Variants in FAM8A1 observed in about 807,000 individuals in gnomAD.
FAM8A1 encodes family with sequence similarity 8 member A1.
FAM8A1 carries 18 observed loss-of-function variants against 38.3 expected under a neutral mutation model. The observed-to-expected ratio is 0.47, with a 90% CI of 0.33 to 0.70. FAM8A1 has a LOEUF of 0.70. FAM8A1 is among the 30% of genes least tolerant of loss of function. The pLI, the probability that FAM8A1 is intolerant of heterozygous loss-of-function variation, is 0.03. For synonymous variants in FAM8A1, 246 were observed against 234.4 expected (o/e 1.05, Z -0.45); for missense variants, 559 against 559.6 (o/e 1.00, Z 0.01).
intron 4 of FAM8A1, among the ~76,000 whole-genome samples, chr6:17,607,522 T>TAGGTAGTATCTATATACTAC (rs1764072727): frequency 2.0e-5 from 3 of 150,808 alleles, no homozygotes; most frequent in African/African-American, 7.3e-5. Context: ...CTATATACTA[T>TAGGTAGTATCTATATACTAC]CTATAGTATC....
chr6:17,600,307 C>A lies in FAM8A1; in HGVS notation c.-103C>A, dbSNP rs573134738. The A allele has an allele frequency of 2.4e-6, 3 of 1,262,660 alleles. No individual in the cohort carries two copies. The highest frequency in any genetic ancestry group is 3.1e-5 in the African/African-American group (2 of 64,090). The allele number at this position is 1,262,660 out of a possible 1,614,324, so 78.2% of individuals were successfully genotyped here. ...TCCGCTTCCGGCGGGGGATTGTTGA[C>A]GCCTGCGGTTGCTGCGGTGGTGACG... On this transcript the variant is annotated 5_prime_UTR_variant, in exon 1 of 5. Coordinates refer to ENST00000259963, the MANE Select transcript of FAM8A1 (RefSeq NM_016255.3).
Position 17,608,368 on chromosome 6 carries a change from C to CT in FAM8A1, c.*30dup. 6.4e-7 allele frequency: 1 copy of CT among 1,573,036 alleles called. No individual in the cohort carries two copies. The highest frequency in any genetic ancestry group is 8.6e-7 in the Non-Finnish European group (1 of 1,159,202). ...CCCCCAAAACCCTGATTTCCACACA[C>CT]TAAGACTAAATTATGTATCAAGGCC... On this transcript the variant is annotated 3_prime_UTR_variant, in exon 5 of 5. Transcript: ENST00000259963.
At position 17,609,384 on chromosome 6, in the gene FAM8A1, C is replaced by CT. The variant is rs1420235297; in HGVS notation, c.*1046dup. On this transcript the variant is annotated 3_prime_UTR_variant, in exon 5 of 5. Coordinates refer to ENST00000259963, the MANE Select transcript of FAM8A1 (RefSeq NM_016255.3). The stretch of plus-strand genomic sequence containing the variant: ...AAATCTTAATATTTCATGATTAACT[C>CT]TAAGTACTATTAATTAATAGCTTGC... 3.6e-5 allele frequency: 5 copies of CT among 140,580 alleles called. No individual in the cohort carries two copies. Among genetic ancestry groups the CT allele is most frequent in the East Asian group, 2.2e-4 (1 of 4,624 alleles). The allele number at this position is 140,580 out of a possible 1,614,324, so 8.7% of individuals were successfully genotyped here. A position where few individuals can be genotyped will look rare whatever the true frequency, so the allele number is the denominator to read the frequency against.
At chr6:17,604,350 T>G (rs1003965899) in intron 2 of FAM8A1, among the ~76,000 whole-genome samples, 4 of 152,204 alleles carry the variant, frequency 2.6e-5, no homozygotes. Context: ...TCTTAATCAC[T>G]GCCACCTCTC....
At chr6:17,604,064 T>C (rs768543594) in intron 2 of FAM8A1, among the ~76,000 whole-genome samples, 1 of 151,976 alleles carries the variant, frequency 6.6e-6, no homozygotes, top group African/African-American at 2.4e-5. Context: ...AACCCTTCAA[T>C]GGTTTCTCTT....
At chr6:17,606,432 C>T (rs757338063) in intron 4 of FAM8A1, among the ~76,000 whole-genome samples, 4 of 152,142 alleles carry the variant, frequency 2.6e-5, no homozygotes, top group Non-Finnish European at 5.9e-5. Context: ...GATCTCCTGA[C>T]CTCATGATCC....
chr6:17,606,013 C>T lies in FAM8A1; in HGVS notation c.1097C>T (p.Thr366Met), dbSNP rs144228602. ...VIPSSNVSIT[T>M]STIRALIKNF... ...CCTTCCTCAAATGTTAGCATTACAA[C>T]GTAAGTCCTTTTCTTAGCTTAATCT... Residue 366 changes from threonine to methionine, a missense_variant and splice_region_variant, in exon 4 of 5, where the codon ACG becomes ATG. Physicochemically the swap from Thr to Met is moderately conservative, Grantham distance 81. This residue lies in a region of FAM8A1 where 166 missense variants were observed against 220.8 expected (regional missense o/e 0.75). Coordinates refer to ENST00000259963, the MANE Select transcript of FAM8A1 (RefSeq NM_016255.3). The T allele has an allele frequency of 3.8e-5, 59 of 1,536,040 alleles. No homozygotes were observed. Among genetic ancestry groups the T allele is most frequent in the Non-Finnish European group, 5.0e-5 (57 of 1,130,722 alleles).
chr6:17,600,478 G>C lies in FAM8A1; in HGVS notation c.69G>C (p.Glu23Asp). ...PGQDDGGGDH[E>D]PVPSLRGPPT... ...AGGACGATGGCGGAGGGGACCACGAGCCCGTCCCTTCCCTGAGAGGCCCTC... is the reference window on the plus strand; with the variant it reads ...AGGACGATGGCGGAGGGGACCACGACCCCGTCCCTTCCCTGAGAGGCCCTC... Residue 23 changes from glutamate (E) to aspartate (D), a missense_variant, in exon 1 of 5, where the codon GAG becomes GAC. By Grantham distance (45) the Glu-to-Asp change is conservative. This residue lies in a region of FAM8A1 where 393 missense variants were observed against 338.9 expected (regional missense o/e 1.16). Coordinates refer to ENST00000259963, the MANE Select transcript of FAM8A1 (RefSeq NM_016255.3). The C allele has an allele frequency of 6.6e-7, 1 of 1,519,430 alleles. No homozygotes were observed. Among genetic ancestry groups the C allele is most frequent in the Admixed American group, 2.1e-5 (1 of 48,336 alleles). 94.1% of individuals were successfully genotyped at this position (1,519,430 alleles called of 1,614,324 possible). A position where few individuals can be genotyped will look rare whatever the true frequency, so the allele number is the denominator to read the frequency against.
At chr6:17,602,287 T>C (rs1763995412) in intron 1 of FAM8A1, among the ~76,000 whole-genome samples, 1 of 152,224 alleles carries the variant, frequency 6.6e-6, no homozygotes, top group Non-Finnish European at 1.5e-5. Context: ...TCTGCCCGCC[T>C]CGGCCTCCTA....
In FAM8A1 at chr6:17,600,879, C is replaced by T. The variant is rs753212188; in HGVS notation, c.470C>T (p.Ala157Val). 4 of 1,604,416 alleles carry T rather than the reference C, an allele frequency of 2.5e-6. No homozygotes were observed. The African/African-American group carries it at 4.0e-5, about 16-fold the overall frequency. ...SPQSFPSGGAAVPQAAAPPPP... is the reference protein window; with the variant it reads ...SPQSFPSGGAVVPQAAAPPPP... ...CAGAGCTTCCCTTCGGGCGGCGCTG[C>T]AGTCCCCCAGGCCGCGGCGCCGCCG... The change falls in exon 1 of 5, where the codon GCA becomes GTA. Residue 157 changes from alanine (A) to valine (V), a missense_variant. By Grantham distance (64) the Ala-to-Val change is moderately conservative. Coordinates refer to ENST00000259963, the MANE Select transcript of FAM8A1 (RefSeq NM_016255.3).
In FAM8A1 at chr6:17,600,593, G is replaced by C; in HGVS notation, c.184G>C (p.Ala62Pro). Residue 62 changes from alanine to proline, a missense_variant, in exon 1 of 5, where the codon GCC becomes CCC. Ala to Pro is a conservative substitution (Grantham distance 27, BLOSUM62 -1). Around this residue, in one of 2 missense-constraint regions of FAM8A1, gnomAD observed 393 missense variants for 338.9 expected, o/e 1.16. Transcript: ENST00000259963. The stretch of plus-strand genomic sequence containing the variant: ...CACAGCCCCGGGCCTCGCGGCTGCC[G>C]CCGCAGCCGACAAATTGGAGCCGCC... ...RPTAPGLAAAAAADKLEPPRE... is the reference protein window; with the variant it reads ...RPTAPGLAAAPAADKLEPPRE... 5 of 1,490,636 alleles carry C rather than the reference G, an allele frequency of 3.4e-6. No homozygotes were observed. The highest frequency in any genetic ancestry group is 4.4e-6 in the Non-Finnish European group (5 of 1,125,132). The allele number at this position is 1,490,636 out of a possible 1,614,324, so 92.3% of individuals were successfully genotyped here. A position where few individuals can be genotyped will look rare whatever the true frequency, so the allele number is the denominator to read the frequency against.
At position 17,600,330 on chromosome 6, in the gene FAM8A1, A is replaced by G; in HGVS notation, c.-80A>G. On this transcript the variant is annotated 5_prime_UTR_variant, in exon 1 of 5. Coordinates refer to ENST00000259963, the MANE Select transcript of FAM8A1 (RefSeq NM_016255.3). ...GACGCCTGCGGTTGCTGCGGTGGTG[A>G]CGGGGCTGTTGGGGAGGGGCCATTG... The G allele has an allele frequency of 7.7e-7, 1 of 1,301,188 alleles. No homozygotes were observed. The highest frequency in any genetic ancestry group is 9.8e-7 in the Non-Finnish European group (1 of 1,022,856). 80.6% of individuals were successfully genotyped at this position (1,301,188 alleles called of 1,614,324 possible). A position where few individuals can be genotyped will look rare whatever the true frequency, so the allele number is the denominator to read the frequency against.
Position 17,600,439 on chromosome 6 carries a change from C to T in FAM8A1, c.30C>T (p.Gly10=), listed in dbSNP as rs1763963473. 2.1e-6 allele frequency: 3 copies of T among 1,453,492 alleles called. No individual in the cohort carries two copies. Among genetic ancestry groups the T allele is most frequent in the South Asian group, 1.4e-5 (1 of 73,014 alleles). 90.0% of individuals were successfully genotyped at this position (1,453,492 alleles called of 1,614,324 possible). MAEGPEEAR[G]HPPGQDDGGG... is the part of the protein sequence containing the mutation. ...CCGAGGGGCCCGAGGAAGCCCGAGG[C>T]CACCCTCCCGGGCAGGACGATGGCG... Residue 10 remains glycine, a synonymous_variant, in exon 1 of 5, where the codon GGC becomes GGT. Coordinates refer to ENST00000259963, the MANE Select transcript of FAM8A1 (RefSeq NM_016255.3).
rs1337542847 is a variant in FAM8A1, at chr6:17,600,981, C to T, written c.572C>T (p.Ala191Val). 6.3e-7 allele frequency: 1 copy of T among 1,593,200 alleles called. No homozygotes were observed. Among genetic ancestry groups the T allele is most frequent in the Non-Finnish European group, 8.5e-7 (1 of 1,171,680 alleles). Residue 191 changes from alanine (A) to valine (V), a missense_variant, in exon 1 of 5, where the codon GCC (alanine) becomes GTC (valine). Around this residue, in one of 2 missense-constraint regions of FAM8A1, gnomAD observed 393 missense variants for 338.9 expected, o/e 1.16. Transcript: ENST00000259963. Reference protein sequence around the residue: ...GAAGPDPRTAAGISTPAPVAG... With the variant: ...GAAGPDPRTAVGISTPAPVAG... ...GCGGGGCCTGACCCGCGGACAGCTG[C>T]CGGCATCAGCACCCCTGCTCCAGTC...
intron 3 of FAM8A1, 33 bp downstream of exon 3, chr6:17,605,062 T>C (rs751820065): frequency 1.9e-6 from 3 of 1,568,192 alleles, no homozygotes; most frequent in Non-Finnish European, 2.6e-6. Flanking sequence ...AATTAATATT[T>C]AACAATCTAA....
chr6:17,601,182 G>C, intron 1 of FAM8A1, 61 bp downstream of exon 1: 1 of 1,529,490 alleles, frequency 6.5e-7, no homozygotes, highest in Non-Finnish European at 8.8e-7. Context: ...CTGTGGGGTA[G>C]AGCTGGCACG....
rs1763970871 is a variant in FAM8A1 at position 17,600,749 on chromosome 6, T to G, written c.340T>G (p.Ser114Ala). 1 of 1,610,424 alleles carries G rather than the reference T, an allele frequency of 6.2e-7. No individual in the cohort carries two copies. The highest frequency in any genetic ancestry group is 1.3e-5 in the African/African-American group (1 of 74,830). ...AGCTCGGCTGAGCGCCCGCGAGTAC[T>G]CCCGGCAAGTGCACGAGTGGCTGTG... The part of the protein sequence containing the change: ...RPARLSAREY[S>A]RQVHEWLWQS... The change falls in exon 1 of 5, where the codon TCC becomes GCC. Residue 114 changes from serine to alanine, a missense_variant. Transcript: ENST00000259963.
chr6:17,604,650 T>C (rs1437730009), intron 2 of FAM8A1, among the ~76,000 whole-genome samples: 1 of 152,172 alleles, frequency 6.6e-6, no homozygotes, highest in Non-Finnish European at 1.5e-5. Flanking sequence ...TTTGCTAGGT[T>C]AGACCCTCCA....
rs1450876666 is a variant in FAM8A1 at position 17,600,597 on chromosome 6, C to T, written c.188C>T (p.Ala63Val). Residue 63 changes from alanine (A) to valine (V), a missense_variant, in exon 1 of 5, where the codon GCA becomes GTA. Around this residue, in one of 2 missense-constraint regions of FAM8A1, gnomAD observed 393 missense variants for 338.9 expected, o/e 1.16. Transcript: ENST00000259963. ...PTAPGLAAAA[A>V]ADKLEPPREL... ...GCCCCGGGCCTCGCGGCTGCCGCCG[C>T]AGCCGACAAATTGGAGCCGCCGCGC... 1 of 1,492,918 alleles carries T rather than the reference C, an allele frequency of 6.7e-7. No individual in the cohort carries two copies. The highest frequency in any genetic ancestry group is 2.5e-5 in the Admixed American group (1 of 40,462). 92.5% of individuals were successfully genotyped at this position (1,492,918 alleles called of 1,614,324 possible).
Sources: gnomAD v4.1 joint callset for allele counts (sites outside exome capture counted in the v4.1 genomes callset) on GRCh38, gnomAD v4.1.1 for gene constraint, gnomAD v4.1.1 regional missense constraint, MANE v1.5 for transcripts, NCBI Gene and HGNC (gene_info 2026-07-23, HGNC 2026-07-21) for gene names.